The following UBXN11 variants were observed in gnomAD, a reference collection of about 807,000 sequenced individuals.
UBXN11 encodes the protein UBX domain-containing protein 11.
UBXN11 carries 47 observed loss-of-function variants against 62.8 expected under a neutral mutation model. The observed-to-expected ratio is 0.75, with a 90% confidence interval of 0.59 to 0.95. UBXN11 has a LOEUF of 0.95. UBXN11 is among the 40% of genes least tolerant of loss of function. UBXN11 has a pLI of 0.00. For missense variants in UBXN11, 638 were observed against 661.7 expected (o/e 0.96, Z 0.39); for synonymous variants, 294 against 267.0 (o/e 1.10, Z -0.99).
At chr1:26,303,780 A>AT (rs1211919853) in intron 1 of UBXN11, among the ~76,000 whole-genome samples, 5 of 152,152 alleles carry the variant, frequency 3.3e-5, no homozygotes, top group Non-Finnish European at 7.3e-5. Context: ...TTCTGAGCAG[A>AT]TTCAGAGATA....
chr1:26,308,448 G>A (rs531950180), upstream of UBXN11, among the ~76,000 whole-genome samples: 1 of 152,252 alleles, frequency 6.6e-6, no homozygotes, highest in Admixed American at 6.5e-5. Flanking sequence ...AACAAGGCAG[G>A]CATAGATAAG....
intron 8 of UBXN11, among the ~76,000 whole-genome samples, chr1:26,290,599 G>A (rs1458964052): frequency 6.6e-6 from 1 of 152,214 alleles, no homozygotes; most frequent in African/African-American, 2.4e-5. Flanking sequence ...TGGGATTGAA[G>A]GGCAAGCCCA....
chr1:26,309,664 T>A (rs1431870202), upstream of UBXN11, among the ~76,000 whole-genome samples: 1 of 152,232 alleles, frequency 6.6e-6, no homozygotes, highest in Non-Finnish European at 1.5e-5. Context: ...TACATTGTAC[T>A]GTGGACCAGC....
At chr1:26,293,504 G>T in intron 8 of UBXN11, among the ~76,000 whole-genome samples, 1 of 151,958 alleles carries the variant, frequency 6.6e-6, no homozygotes, top group East Asian at 1.9e-4. Flanking sequence ...AAGGTGGGCA[G>T]ATCACGAGGT....
chr1:26,298,414 C>T lies in UBXN11; in HGVS notation c.200-352G>A, dbSNP rs192102917. On this transcript the variant is annotated intron_variant, in intron 4 of 14. Transcript: ENST00000374222. ...CTCCAAATCTAGTGTCCAGTTGGTACGCAAAACAGCAGATAGAGGAGTGAG... is the reference window on the plus strand; with the variant it reads ...CTCCAAATCTAGTGTCCAGTTGGTATGCAAAACAGCAGATAGAGGAGTGAG... Among the ~76,000 whole-genome samples the T allele has an allele frequency of 7.0e-4, 106 of 152,256 alleles. 1 individual carries two copies. Among genetic ancestry groups the T allele is most frequent in the African/African-American group, 2.4e-3 (98 of 41,546 alleles).
rs1177619799 is a variant in UBXN11, at chr1:26,294,105, C to A, written c.559+100G>T. ...TCTCAGGGCGTCTTGGGTCAGGGAC[C>A]CGGGCACGAATGAGATAGGCCTCTG... On this transcript the variant is annotated intron_variant, in intron 8 of 14. Transcript: ENST00000374222. The A allele has an allele frequency of 4.3e-5, 65 of 1,523,782 alleles. No homozygotes were observed. The South Asian group carries it at 6.5e-4, about 15-fold the overall frequency. 94.4% of individuals were successfully genotyped at this position (1,523,782 alleles called of 1,614,324 possible).
chr1:26,296,815 G>C (rs987128949), intron 7 of UBXN11, 104 bp downstream of exon 7: 2 of 1,216,286 alleles, frequency 1.6e-6, no homozygotes, highest in Non-Finnish European at 2.3e-6. Context: ...GATGTGACGA[G>C]GAGAGGCCCA....
chr1:26,288,387 G>A (rs1018251831), intron 8 of UBXN11, among the ~76,000 whole-genome samples: 1 of 152,180 alleles, frequency 6.6e-6, no homozygotes, highest in African/African-American at 2.4e-5. Context: ...AGTAAAAGCA[G>A]GTGGCCCAGG....
At chr1:26,291,529 G>C (rs936211441) in intron 8 of UBXN11, among the ~76,000 whole-genome samples, 4 of 152,188 alleles carry the variant, frequency 2.6e-5, no homozygotes, top group African/African-American at 9.6e-5. Context: ...GGCAGAGTAG[G>C]AATCCACAGA....
intron 8 of UBXN11, among the ~76,000 whole-genome samples, chr1:26,287,475 A>C (rs1200195113): frequency 6.6e-6 from 1 of 151,808 alleles, no homozygotes; most frequent in African/African-American, 2.4e-5. Flanking sequence ...GCCCCCAAGT[A>C]AGTCATCTGT....
intron 12 of UBXN11, among the ~76,000 whole-genome samples, chr1:26,283,438 G>A (rs1570076339): frequency 6.6e-6 from 1 of 152,216 alleles, no homozygotes; most frequent in East Asian, 1.9e-4. Context: ...AAAGGTTGGT[G>A]TGAGGAGGGG....
At chr1:26,308,275 A>AAAG (rs1553165243), upstream of UBXN11, among the ~76,000 whole-genome samples, 2 of 141,206 alleles carry the variant, frequency 1.4e-5, no homozygotes, top group Non-Finnish European at 1.5e-5. Context: ...CAAAAAAAAA[A>AAAG]AAAAGAAAAG....
At chr1:26,284,656 C>T in intron 10 of UBXN11, 174 bp from the exon 11 acceptor site, 1 of 1,374,418 alleles carries the variant, frequency 7.3e-7, no homozygotes. Context: ...CTGTCATCTC[C>T]CTCAGCCCTG....
At chr1:26,285,727 G>T (rs2073116017) in intron 9 of UBXN11, 96 bp downstream of exon 9, 1 of 1,470,940 alleles carries the variant, frequency 6.8e-7, no homozygotes, top group African/African-American at 1.4e-5. Flanking sequence ...CCCCGTGGAG[G>T]GCAGGCTGGG....
At chr1:26,301,126 C>T in intron 3 of UBXN11, 102 bp from the exon 4 acceptor site, 1 of 1,581,136 alleles carries the variant, frequency 6.3e-7, no homozygotes, top group Non-Finnish European at 8.6e-7. Flanking sequence ...CACTGTGCCC[C>T]AGGGAGTTTG....
At chr1:26,300,805 T>G (rs1570124562) in intron 4 of UBXN11, 121 bp downstream of exon 4, 1 of 1,502,466 alleles carries the variant, frequency 6.7e-7, no homozygotes, top group East Asian at 2.4e-5. Context: ...CAGCCAGGAG[T>G]GGAAGCAGCT....
exon 1 of UBXN11, chr1:26,318,118 T>G (rs751768582): frequency 1.9e-6 from 3 of 1,543,836 alleles, no homozygotes; most frequent in Non-Finnish European, 2.7e-6. Flanking sequence ...CAAAGTTGCT[T>G]GGCATGGAGG....
At chr1:26,297,080 C>T in intron 6 of UBXN11, 85 bp from the exon 7 acceptor site, 2 of 1,464,170 alleles carry the variant, frequency 1.4e-6, no homozygotes, top group Non-Finnish European at 1.9e-6. Flanking sequence ...TCTGGAGAAG[C>T]TGTTCTGGGG....
intron 7 of UBXN11, among the ~76,000 whole-genome samples, chr1:26,294,972 C>T (rs972590536): frequency 2.6e-5 from 4 of 152,166 alleles, no homozygotes; most frequent in Non-Finnish European, 4.4e-5. Context: ...TTTCCTTCAC[C>T]GTTTCCCCTT....
Sources: allele counts gnomAD v4.1 joint callset (sites outside exome capture counted in the v4.1 genomes callset), GRCh38; gene constraint gnomAD v4.1.1; transcripts MANE v1.5; gene names NCBI Gene and HGNC (gene_info 2026-07-23, HGNC 2026-07-21).